Variants in THNSL1 observed in about 807,000 individuals in gnomAD.
THNSL1 encodes threonine synthase-like 1.
A neutral mutation model predicts 50.4 loss-of-function variants in THNSL1; 48 were observed. That is an observed-to-expected ratio of 0.95 (90% confidence interval 0.76 to 1.21). The LOEUF is 1.21. THNSL1 is among the 50% of genes most tolerant of loss of function. The pLI is 0.00. For synonymous variants in THNSL1, 309 were observed against 306.1 expected (o/e 1.01, Z -0.10); for missense variants, 896 against 871.7 (o/e 1.03, Z -0.35).
the THNSL1 span, among the ~76,000 whole-genome samples, chr10:24,989,131 TA>T: frequency 1.3e-5 from 2 of 152,094 alleles, no homozygotes; most frequent in East Asian, 1.9e-4. Flanking sequence ...CATTTAGGTG[TA>T]AAAACCTGGC....
At chr10:24,994,358 G>A in the THNSL1 span, among the ~76,000 whole-genome samples, 3 of 127,744 alleles carry the variant, frequency 2.3e-5, no homozygotes, top group Admixed American at 9.0e-5. Context: ...TTTTGACACC[G>A]AGTCTCGCTC....
At position 25,025,231 on chromosome 10, in the gene THNSL1, A is replaced by T; in HGVS notation, c.2008A>T (p.Lys670Ter). Reference sequence around the variant, plus strand: ...TATCTCATCTACAGCCCATTACTCAAAGTTTGCACCTGCTATCATGCAGGC... The same window carrying T: ...TATCTCATCTACAGCCCATTACTCATAGTTTGCACCTGCTATCATGCAGGC... ...VIISSTAHYS[K>*]FAPAIMQALK... Residue 670 changes from lysine (K) to a stop codon, truncating the protein, a stop_gained, in exon 3 of 3, where the codon AAG becomes TAG. Coordinates refer to ENST00000376356, the MANE Select transcript of THNSL1 (RefSeq NM_024838.5). LOFTEE classifies it high-confidence loss of function. 1 of 1,614,204 alleles carries T rather than the reference A, an allele frequency of 6.2e-7. No individual in the cohort carries two copies.
At chr10:24,984,785 G>T in the THNSL1 span, 1 of 1,613,610 alleles carries the variant, frequency 6.2e-7, no homozygotes, top group Non-Finnish European at 8.5e-7. Context: ...CCAATGTCGT[G>T]TTCTAGTTGT....
At chr10:24,976,837 G>A in the THNSL1 span, among the ~76,000 whole-genome samples, 342 of 152,262 alleles carry the variant, frequency 2.2e-3, 3 homozygotes, top group African/African-American at 7.0e-3. Flanking sequence ...ATCTTACTAA[G>A]TGGGTGCCAG....
chr10:24,961,288 C>T, the THNSL1 span, among the ~76,000 whole-genome samples: 1 of 152,074 alleles, frequency 6.6e-6, no homozygotes. Flanking sequence ...ATAATAAACT[C>T]CTTATAAACA....
chr10:25,015,901 G>T (rs1372138934), upstream of THNSL1: 2 of 1,608,006 alleles, frequency 1.2e-6, no homozygotes, highest in Admixed American at 1.7e-5. Context: ...TGGGTATGAG[G>T]TTATAAATGC....
the THNSL1 span, among the ~76,000 whole-genome samples, chr10:24,995,306 C>T: frequency 6.6e-6 from 1 of 152,124 alleles, no homozygotes; most frequent in Admixed American, 6.5e-5. Context: ...CAGCTTATTC[C>T]TTCTAGATTT....
chr10:24,952,807 G>A, the THNSL1 span, among the ~76,000 whole-genome samples: 3 of 151,544 alleles, frequency 2.0e-5, no homozygotes, highest in Non-Finnish European at 4.4e-5. The surrounding 1 kb of genome is among the most constrained non-coding windows in gnomAD (Gnocchi z 5.1). Context: ...GCGGGGAGCA[G>A]CTGCCAAGCC....
chr10:24,979,756 C>CAACT, the THNSL1 span, among the ~76,000 whole-genome samples: 1 of 152,250 alleles, frequency 6.6e-6, no homozygotes, highest in South Asian at 2.1e-4. Context: ...TCTAAATTTC[C>CAACT]AACTAGATGC....
the THNSL1 span, among the ~76,000 whole-genome samples, chr10:24,975,021 T>A: frequency 2.6e-5 from 4 of 152,140 alleles, no homozygotes; most frequent in Non-Finnish European, 5.9e-5. Flanking sequence ...CTGCCTGTCA[T>A]CTCAATAATT....
the THNSL1 span, among the ~76,000 whole-genome samples, chr10:24,970,132 A>C: frequency 6.6e-6 from 1 of 152,242 alleles, no homozygotes; most frequent in Admixed American, 6.5e-5. Flanking sequence ...TTATTGAAGG[A>C]GGGAAAATCC....
In THNSL1 at chr10:25,024,211, G is replaced by C; in HGVS notation, c.988G>C (p.Val330Leu). 1 of 1,614,194 alleles carries C rather than the reference G, an allele frequency of 6.2e-7. No individual in the cohort carries two copies. Among genetic ancestry groups the C allele is most frequent in the South Asian group, 1.1e-5 (1 of 91,084 alleles). ...CTTTGCCTGCTCAAAAATTGCTCCT[G>C]TCAGGCACCTTTCAGGCAACCAGTT... ...ENFACSKIAP[V>L]RHLSGNQFIL... is the part of the protein sequence containing the mutation. Residue 330 changes from valine (V) to leucine (L), a missense_variant, in exon 3 of 3, where the codon GTC (valine) becomes CTC (leucine). Val to Leu is a conservative substitution (Grantham distance 32). Coordinates refer to ENST00000376356, the MANE Select transcript of THNSL1 (RefSeq NM_024838.5).
Position 25,025,189 on chromosome 10 carries a change from A to C in THNSL1, c.1966A>C (p.Lys656Gln). ...AKVVADRVQD[K>Q]TCPVIISSTA... ...AGTGGTTGCAGATAGGGTGCAAGAC[A>C]AAACTTGCCCTGTGATTATCTCATC... The change falls in exon 3 of 3, where the codon AAA (lysine) becomes CAA (glutamine). Residue 656 changes from lysine to glutamine, a missense_variant. By Grantham distance (53) the Lys-to-Gln change is moderately conservative. Coordinates refer to ENST00000376356, the MANE Select transcript of THNSL1 (RefSeq NM_024838.5). The C allele has an allele frequency of 6.2e-7, 1 of 1,614,234 alleles. No homozygotes were observed. Among genetic ancestry groups the C allele is most frequent in the Non-Finnish European group, 8.5e-7 (1 of 1,180,042 alleles).
chr10:25,024,246 G>A lies in THNSL1; in HGVS notation c.1023G>A (p.Glu341=). 2 of 1,614,184 alleles carry A rather than the reference G, an allele frequency of 1.2e-6. No homozygotes were observed. The highest frequency in any genetic ancestry group is 1.7e-6 in the Non-Finnish European group (2 of 1,180,018). The change falls in exon 3 of 3, where the codon GAG becomes GAA. Residue 341 remains glutamate, a synonymous_variant. Coordinates refer to ENST00000376356, the MANE Select transcript of THNSL1 (RefSeq NM_024838.5). ...RHLSGNQFIL[E]LFHGPTGSFK... is the part of the protein sequence containing the mutation. ...TTTCAGGCAACCAGTTCATCCTGGA[G>A]TTGTTTCATGGACCAACAGGATCAT...
At chr10:24,952,567 C>G in the THNSL1 span, 2 of 1,591,432 alleles carry the variant, frequency 1.3e-6, no homozygotes, top group Non-Finnish European at 1.7e-6. This position sits in a 1 kb window ranked among gnomAD's most constrained non-coding sequence, Gnocchi z 5.1. Flanking sequence ...CCTCGCTGCT[C>G]CCGGCCATGT....
the THNSL1 span, among the ~76,000 whole-genome samples, chr10:24,996,170 G>A: frequency 0.029 from 4,464 of 152,258 alleles, 142 homozygotes; most frequent in African/African-American, 0.078. Context: ...TGAGGAGGCC[G>A]GGCACGGTGG....
chr10:25,016,566 AGAAAG>A (rs113010165), upstream of THNSL1: 528 of 152,390 alleles, frequency 3.5e-3, 2 homozygotes, highest in African/African-American at 9.3e-3. Context: ...GGCTACAGTG[AGAAAG>A]GAGAGTCACG....
At chr10:24,983,296 C>G in the THNSL1 span, 1 of 152,166 alleles carries the variant, frequency 6.6e-6, no homozygotes, top group East Asian at 1.9e-4. Flanking sequence ...CTAGGCCTGG[C>G]CTGTACGTGC....
At chr10:25,014,632 A>G (rs1329322949), upstream of THNSL1, among the ~76,000 whole-genome samples, 2 of 152,182 alleles carry the variant, frequency 1.3e-5, no homozygotes, top group East Asian at 3.8e-4. Context: ...ACAATCTACC[A>G]ATCTGTTATA....
Sources: gnomAD v4.1 joint callset for allele counts (sites outside exome capture counted in the v4.1 genomes callset) on GRCh38, gnomAD v4.1.1 for gene constraint, Gnocchi (gnomAD v3.1) non-coding constraint, MANE v1.5 for transcripts, NCBI Gene and HGNC (gene_info 2026-07-23, HGNC 2026-07-21) for gene names.